The following OTUD7A variants were observed in gnomAD, a reference collection of about 807,000 sequenced individuals.
OTUD7A encodes the protein OTU deubiquitinase 7A, also known as OTU domain-containing protein 7A.
A neutral mutation model predicts 65.7 loss-of-function variants in OTUD7A; 12 were observed. That is an observed-to-expected ratio of 0.18 (90% CI 0.12 to 0.30). The LOEUF (loss-of-function observed/expected upper bound fraction) is 0.30, where lower values mean the gene tolerates loss of function less well. Among genes scored for constraint, OTUD7A ranks in the 10% least tolerant of loss-of-function variants. OTUD7A has a pLI of 1.00. For synonymous variants in OTUD7A, 641 were observed against 586.3 expected, an observed-to-expected ratio of 1.09 and a Z score of -1.35; for missense variants, 1,148 against 1,304.8, an observed-to-expected ratio of 0.88 and a Z score of 1.85.
At chr15:31,690,637 C>T (rs4375626) in intron 1 of OTUD7A, among the ~76,000 whole-genome samples, 2,062 of 152,252 alleles carry the variant, frequency 0.014, 22 homozygotes, top group Non-Finnish European at 0.021. Context: ...CACATGGCCT[C>T]GCATAAATGG....
At chr15:31,729,723 A>G (rs1893989701) in intron 1 of OTUD7A, among the ~76,000 whole-genome samples, 1 of 152,090 alleles carries the variant, frequency 6.6e-6, no homozygotes, top group Non-Finnish European at 1.5e-5. Context: ...CCTTTCCATA[A>G]GCACACCTCA....
intron 1 of OTUD7A, among the ~76,000 whole-genome samples, chr15:31,864,728 C>A (rs1201105259): frequency 6.7e-6 from 1 of 150,152 alleles, no homozygotes; most frequent in Admixed American, 6.7e-5. Context: ...CACAGAAGCC[C>A]CTCCATTCTT....
At chr15:31,803,280 C>A (rs886682952) in intron 1 of OTUD7A, among the ~76,000 whole-genome samples, 2 of 152,138 alleles carry the variant, frequency 1.3e-5, no homozygotes, top group Admixed American at 6.5e-5. Flanking sequence ...AAACATCTTG[C>A]CGTATCAATC....
intron 8 of OTUD7A, among the ~76,000 whole-genome samples, chr15:31,517,389 T>C (rs1172946347): frequency 1.3e-5 from 2 of 152,142 alleles, no homozygotes; most frequent in Non-Finnish European, 2.9e-5. Context: ...ATTCTGAAAA[T>C]TCACTCCCAC....
At chr15:31,768,222 G>A in intron 1 of OTUD7A, 2 of 966,532 alleles carry the variant, frequency 2.1e-6, no homozygotes, top group South Asian at 1.3e-5. Context: ...GCGTCCGGTG[G>A]CATCCATGGC....
rs373799812 is a variant in OTUD7A at position 31,771,275 on chromosome 15, C to T, written c.-100+99232G>A. Among the ~76,000 whole-genome samples the T allele has an allele frequency of 3.5e-4, 54 of 152,200 alleles. No individual in the cohort carries two copies. The South Asian group carries it at 9.3e-3, about 26-fold the overall frequency. On this transcript the variant is annotated intron_variant, in intron 1 of 12. Coordinates refer to ENST00000307050, the MANE Select transcript of OTUD7A (RefSeq NM_001382637.1). ...ATGTTCTGTTTCTTGGTCTGGGTAC[C>T]GGTTTATTGGACTATCTATTTGTCA...
In OTUD7A at chr15:31,511,039, T is replaced by C. The variant is rs183350392; in HGVS notation, c.894-7221A>G. Among the ~76,000 whole-genome samples the C allele has an allele frequency of 4.3e-4, 11 of 25,612 alleles. 3 individuals carry two copies. The highest frequency in any genetic ancestry group is 3.8e-3 in the East Asian group (2 of 532). 16.8% of individuals were successfully genotyped at this position (25,612 alleles called of 152,430 possible). ...CATACATGTATATCTATATGTAACA[T>C]ACATGTATATCTATATGTAACATAC... On this transcript the variant is annotated intron_variant, in intron 8 of 12. Coordinates refer to ENST00000307050, the MANE Select transcript of OTUD7A (RefSeq NM_001382637.1).
At position 31,592,157 on chromosome 15, in the gene OTUD7A, C is replaced by T. The variant is rs192199018; in HGVS notation, c.152-21960G>A. ...ATGTGAAGGCCAGGACATTACTGTA[C>T]ACTACTGTAGACTTCAGAAACACTG... On this transcript the variant is annotated intron_variant, in intron 3 of 12. Transcript: ENST00000307050. Among the ~76,000 whole-genome samples the T allele has an allele frequency of 1.2e-4, 18 of 152,290 alleles. No homozygotes were observed. The Middle Eastern group carries it at 0.017, about 144-fold the overall frequency.
At chr15:31,647,287 C>T (rs1229504916) in intron 3 of OTUD7A, among the ~76,000 whole-genome samples, 1 of 152,218 alleles carries the variant, frequency 6.6e-6, no homozygotes, top group Non-Finnish European at 1.5e-5. Context: ...CCATGGCAGT[C>T]CTCTAATCGC....
At chr15:31,581,382 A>G (rs906096553) in intron 3 of OTUD7A, among the ~76,000 whole-genome samples, 2 of 152,200 alleles carry the variant, frequency 1.3e-5, no homozygotes, top group African/African-American at 4.8e-5. Context: ...CTCTTCTCAC[A>G]GCTCCACTGG....
chr15:31,842,163 C>A (rs1227453724), intron 1 of OTUD7A, among the ~76,000 whole-genome samples: 1 of 152,244 alleles, frequency 6.6e-6, no homozygotes, highest in Non-Finnish European at 1.5e-5. Flanking sequence ...CATGGTCCCA[C>A]ATACATAAAG....
intron 1 of OTUD7A, among the ~76,000 whole-genome samples, chr15:31,848,573 C>T (rs1027814594): frequency 2.6e-5 from 4 of 152,216 alleles, no homozygotes; most frequent in African/African-American, 4.8e-5. Flanking sequence ...CCTTTCTTTG[C>T]CCTCCGGCCT....
At chr15:31,765,715 C>T in intron 1 of OTUD7A, 1 of 990,964 alleles carries the variant, frequency 1.0e-6, no homozygotes, top group Non-Finnish European at 1.5e-6. Flanking sequence ...ATCAAAGTTC[C>T]ACAAGTATTA....
chr15:31,778,394 T>C (rs1433889294), intron 1 of OTUD7A, among the ~76,000 whole-genome samples: 1 of 152,164 alleles, frequency 6.6e-6, no homozygotes, highest in East Asian at 1.9e-4. Context: ...GGACCAGGAA[T>C]AGCAAACTCA....
chr15:31,857,639 A>C (rs1444812573), intron 1 of OTUD7A, among the ~76,000 whole-genome samples: 1 of 152,148 alleles, frequency 6.6e-6, no homozygotes, highest in Non-Finnish European at 1.5e-5. Context: ...ATTGTGACAT[A>C]AACAGCACAT....
chr15:31,855,885 G>C (rs2141010051), intron 1 of OTUD7A, among the ~76,000 whole-genome samples: 1 of 152,318 alleles, frequency 6.6e-6, no homozygotes, highest in East Asian at 1.9e-4. Context: ...GGAGGCTATA[G>C]TTGCTCCCCA....
intron 1 of OTUD7A, among the ~76,000 whole-genome samples, chr15:31,859,075 C>A (rs1897652859): frequency 1.3e-5 from 2 of 152,334 alleles, no homozygotes; most frequent in East Asian, 3.9e-4. Context: ...TATAAAACTG[C>A]AAAGACATGA....
intron 1 of OTUD7A, among the ~76,000 whole-genome samples, chr15:31,729,444 T>G (rs1482494593): frequency 1.3e-5 from 2 of 152,222 alleles, no homozygotes; most frequent in African/African-American, 4.8e-5. Context: ...CAATGGGTTA[T>G]GGCCACAGTC....
At chr15:31,526,145 A>G (rs2042009288) in intron 8 of OTUD7A, among the ~76,000 whole-genome samples, 2 of 152,132 alleles carry the variant, frequency 1.3e-5, no homozygotes, top group African/African-American at 4.8e-5. Context: ...ATACCCTTCC[A>G]CTAGCACCTG....
Sources: allele counts gnomAD v4.1 joint callset (sites outside exome capture counted in the v4.1 genomes callset), GRCh38; gene constraint gnomAD v4.1.1; transcripts MANE v1.5; gene names NCBI Gene and HGNC (gene_info 2026-07-23, HGNC 2026-07-21).